The following SAMMSON variants were observed in gnomAD, a reference collection of about 807,000 sequenced individuals.
SAMMSON encodes the protein long intergenic non-protein coding RNA 1212.
intron 6 of SAMMSON, among the ~76,000 whole-genome samples, chr3:70,262,149 C>T (rs566804844): frequency 2.6e-5 from 4 of 151,908 alleles, no homozygotes; most frequent in African/African-American, 9.7e-5. Flanking sequence ...GGCCACTGCT[C>T]GGTAACAATA....
chr3:70,062,582 T>C (rs952172208), intron 3 of SAMMSON, among the ~76,000 whole-genome samples: 2 of 152,082 alleles, frequency 1.3e-5, no homozygotes, highest in Non-Finnish European at 2.9e-5. Flanking sequence ...TTCATGATCT[T>C]TCTGTAGCAG....
chr3:70,176,355 C>T (rs575742527), intron 4 of SAMMSON, among the ~76,000 whole-genome samples: 2 of 152,234 alleles, frequency 1.3e-5, no homozygotes, highest in African/African-American at 4.8e-5. Context: ...TAATTAGAGG[C>T]ATTAAGGAAA....
chr3:70,147,753 C>T (rs1387336429), intron 4 of SAMMSON, among the ~76,000 whole-genome samples: 6 of 152,038 alleles, frequency 3.9e-5, no homozygotes, highest in Non-Finnish European at 5.9e-5. Context: ...AATTCTTAGA[C>T]ATGCCATCAA....
intron 9 of SAMMSON, among the ~76,000 whole-genome samples, chr3:70,380,128 A>G (rs959583066): frequency 2.6e-5 from 4 of 152,156 alleles, no homozygotes; most frequent in Non-Finnish European, 5.9e-5. Context: ...AAAAAATTAC[A>G]TCAAGTCATT....
chr3:70,160,555 C>T (rs2067610686), intron 4 of SAMMSON, among the ~76,000 whole-genome samples: 1 of 152,056 alleles, frequency 6.6e-6, no homozygotes. Flanking sequence ...ATCCATATGT[C>T]TGTCCTTATG....
Position 70,051,490 on chromosome 3 carries a change from T to C in SAMMSON, n.418-19986T>C, listed in dbSNP as rs370086884. 2.1e-4 allele frequency among the ~76,000 whole-genome samples: 31 copies of C among 148,640 alleles called. 1 individual carries two copies. The South Asian group carries it at 6.4e-3, about 31-fold the overall frequency. The stretch of plus-strand genomic sequence containing the variant: ...TACTTTTTGCACCAACCTAATAGAA[T>C]AGGGGATTGATAAATAAATTATAAA... On this transcript the variant is annotated intron_variant and non_coding_transcript_variant, in intron 3 of 9. Transcript: ENST00000642114.
At chr3:70,389,786 G>A (rs1306919545) in exon 10 of SAMMSON, 9 of 152,204 alleles carry the variant, frequency 5.9e-5, no homozygotes, top group Non-Finnish European at 1.3e-4. Context: ...GGACCAGGAA[G>A]TGGTCATTGG....
chr3:70,273,063 G>A (rs1701989146), intron 6 of SAMMSON, among the ~76,000 whole-genome samples: 1 of 152,154 alleles, frequency 6.6e-6, no homozygotes, highest in South Asian at 2.1e-4. Context: ...CTGTTGTCAA[G>A]GGAAGTTCAG....
rs114583298 is a variant in SAMMSON at position 70,168,941 on chromosome 3, A to G, written n.508-80166A>G. ...TTCTGTGTTTGTTAGTTTCCACCCAATTCAATAGCTGTGTGTTGAATTGCA... is the reference window on the plus strand; with the variant it reads ...TTCTGTGTTTGTTAGTTTCCACCCAGTTCAATAGCTGTGTGTTGAATTGCA... On this transcript the variant is annotated intron_variant and non_coding_transcript_variant, in intron 4 of 9. Coordinates refer to ENST00000642114, the Ensembl canonical transcript of SAMMSON. Among the ~76,000 whole-genome samples, 1,387 of 151,992 alleles carry G rather than the reference A, an allele frequency of 9.1e-3. 21 individuals carry two copies. The highest frequency in any genetic ancestry group is 0.032 in the African/African-American group (1,308 of 41,490).
chr3:70,102,187 GT>G (rs2067348919), intron 4 of SAMMSON, among the ~76,000 whole-genome samples: 1 of 152,064 alleles, frequency 6.6e-6, no homozygotes, highest in South Asian at 2.1e-4. Flanking sequence ...TACACATTTT[GT>G]TTTTACTAAA....
At chr3:70,374,917 G>A (rs1702999757) in intron 9 of SAMMSON, among the ~76,000 whole-genome samples, 1 of 152,072 alleles carries the variant, frequency 6.6e-6, no homozygotes, top group Admixed American at 6.6e-5. Context: ...GGCTTTTGCT[G>A]TGGCTTATTC....
At chr3:70,207,318 C>T (rs2106725078) in intron 4 of SAMMSON, among the ~76,000 whole-genome samples, 1 of 152,168 alleles carries the variant, frequency 6.6e-6, no homozygotes, top group South Asian at 2.1e-4. Context: ...GTCCTCATAA[C>T]CTCACAGTGG....
chr3:70,341,963 A>G (rs1313127889), intron 7 of SAMMSON, among the ~76,000 whole-genome samples: 3 of 152,214 alleles, frequency 2.0e-5, no homozygotes, highest in Non-Finnish European at 2.9e-5. Flanking sequence ...TATTAAATCC[A>G]AAGTAAATAT....
At chr3:70,007,200 T>C (rs1290503740) in intron 1 of SAMMSON, among the ~76,000 whole-genome samples, 1 of 152,074 alleles carries the variant, frequency 6.6e-6, no homozygotes, top group Admixed American at 6.5e-5. Context: ...ATTTCTAGTT[T>C]AAGATCCTTG....
intron 4 of SAMMSON, among the ~76,000 whole-genome samples, chr3:70,181,011 G>A (rs961813895): frequency 1.3e-5 from 2 of 152,156 alleles, no homozygotes; most frequent in South Asian, 2.1e-4. Context: ...GGCCTTGCAC[G>A]GGGTCAGATC....
At chr3:70,018,523 A>G (rs1466533485) in intron 3 of SAMMSON, among the ~76,000 whole-genome samples, 47 of 151,620 alleles carry the variant, frequency 3.1e-4, no homozygotes, top group South Asian at 1.2e-3. Context: ...GATCTTTTCA[A>G]AAAACCAGCT....
chr3:70,310,851 A>G (rs551404654), intron 7 of SAMMSON, among the ~76,000 whole-genome samples: 1 of 152,296 alleles, frequency 6.6e-6, no homozygotes, highest in South Asian at 2.1e-4. Flanking sequence ...TGGTGGTTAC[A>G]TTCACATGCT....
intron 9 of SAMMSON, among the ~76,000 whole-genome samples, chr3:70,382,099 T>C (rs904730443): frequency 2.0e-5 from 3 of 152,158 alleles, no homozygotes; most frequent in Admixed American, 1.3e-4. Context: ...TTAAAAGTGG[T>C]ACATGAAATA....
At chr3:70,031,403 A>G (rs181353768) in intron 3 of SAMMSON, among the ~76,000 whole-genome samples, 1 of 152,068 alleles carries the variant, frequency 6.6e-6, no homozygotes, top group African/African-American at 2.4e-5. Context: ...GGGTATGGAG[A>G]GTTATTTAAT....
Sources: gnomAD v4.1 joint callset for allele counts (sites outside exome capture counted in the v4.1 genomes callset) on GRCh38, gnomAD v4.1.1 for gene constraint, MANE v1.5 for transcripts, NCBI Gene and HGNC (gene_info 2026-07-23, HGNC 2026-07-21) for gene names.